The following TTC39C variants were observed in gnomAD, a reference collection of about 807,000 sequenced individuals.
TTC39C encodes the protein tetratricopeptide repeat domain 39C, also known as tetratricopeptide repeat protein 39C.
A neutral mutation model predicts 76.3 loss-of-function variants in TTC39C; 33 were observed. The observed-to-expected ratio is 0.43, with a 90% CI of 0.33 to 0.58. The LOEUF is 0.58. TTC39C is among the 20% of genes least tolerant of loss of function. The pLI is 0.04. For missense variants in TTC39C, 595 were observed against 701.4 expected, an observed-to-expected ratio of 0.85 and a Z score of 1.71; for synonymous variants, 254 against 260.6, an observed-to-expected ratio of 0.97 and a Z score of 0.24.
intron 6 of TTC39C, among the ~76,000 whole-genome samples, chr18:24,085,960 G>A (rs1193355966): frequency 6.6e-6 from 1 of 152,190 alleles, no homozygotes; most frequent in East Asian, 1.9e-4. Flanking sequence ...GTGTAGGACG[G>A]TATCAGAAAT....
chr18:24,083,987 A>AT (rs1204344930), intron 6 of TTC39C, among the ~76,000 whole-genome samples: 3 of 152,032 alleles, frequency 2.0e-5, no homozygotes, highest in Admixed American at 1.3e-4. Context: ...CCTTTTGAAG[A>AT]TTTTTGCCTA....
intron 1 of TTC39C, among the ~76,000 whole-genome samples, chr18:24,023,965 T>C (rs2083552716): frequency 9.5e-5 from 1 of 10,530 alleles, no homozygotes; most frequent in African/African-American, 1.7e-4. Context: ...TATATATATA[T>C]ATATATATAT....
rs907184028 is a variant in TTC39C, at chr18:24,134,264, G to GT, written c.*1717dup. 2.0e-4 allele frequency: 17 copies of GT among 83,788 alleles called. No homozygotes were observed. The highest frequency in any genetic ancestry group is 6.5e-4 in the African/African-American group (15 of 23,148). 5.2% of individuals were successfully genotyped at this position (83,788 alleles called of 1,614,324 possible). A position where few individuals can be genotyped will look rare whatever the true frequency, so the allele number is the denominator to read the frequency against. ...CAAAAATATTGGACATCTGTTTTTTGTTTTTTTTTTTTTTTTTTTTTTTTT... is the reference window on the plus strand; with the variant it reads ...CAAAAATATTGGACATCTGTTTTTTGTTTTTTTTTTTTTTTTTTTTTTTTTT... On this transcript the variant is annotated 3_prime_UTR_variant, in exon 14 of 14. Coordinates refer to ENST00000317571, the MANE Select transcript of TTC39C (RefSeq NM_001135993.2).
chr18:24,062,721 A>G (rs1004945929), intron 1 of TTC39C, among the ~76,000 whole-genome samples: 1 of 152,208 alleles, frequency 6.6e-6, no homozygotes, highest in Admixed American at 6.5e-5. Context: ...AGAAAATGGC[A>G]ACAGAAGGTT....
At position 24,125,459 on chromosome 18, in the gene TTC39C, A is replaced by G; in HGVS notation, c.1329A>G (p.Lys443=). Residue 443 remains lysine, a synonymous_variant, in exon 10 of 14, where the codon AAA becomes AAG. Transcript: ENST00000317571. ...GATTTCGGAAGCAAACCCCAACCAA[A>G]GCGCTCTGTGTGTTGGCGTCTATTG... ...AERFRKQTPT[K]ALCVLASIEV... The G allele has an allele frequency of 6.2e-7, 1 of 1,614,154 alleles. No individual in the cohort carries two copies. The highest frequency in any genetic ancestry group is 1.1e-5 in the South Asian group (1 of 91,084).
intron 6 of TTC39C, among the ~76,000 whole-genome samples, chr18:24,107,309 ACG>A (rs1414476006): frequency 7.9e-5 from 11 of 138,544 alleles, no homozygotes; most frequent in Admixed American, 2.9e-4. Flanking sequence ...ACACACACAC[ACG>A]CACGCATGTG....
intron 8 of TTC39C, among the ~76,000 whole-genome samples, chr18:24,123,146 C>T (rs548733734): frequency 2.6e-5 from 4 of 152,296 alleles, no homozygotes; most frequent in South Asian, 4.1e-4. Context: ...TCATGATCCT[C>T]GGGGCTCTTC....
intron 1 of TTC39C, among the ~76,000 whole-genome samples, chr18:24,024,329 G>GT (rs1251734535): frequency 1.3e-5 from 2 of 151,912 alleles, no homozygotes; most frequent in Admixed American, 6.6e-5. Flanking sequence ...TTTTTAAAGT[G>GT]TAAATGCTCA....
chr18:24,113,826 T>C (rs1240367327), intron 6 of TTC39C: 10 of 635,292 alleles, frequency 1.6e-5, no homozygotes, highest in Non-Finnish European at 2.9e-5. Context: ...TCACTGGGAG[T>C]AAGTAGAGCG....
At chr18:24,116,101 C>CTTA (rs1290261256) in intron 7 of TTC39C, among the ~76,000 whole-genome samples, 1 of 152,222 alleles carries the variant, frequency 6.6e-6, no homozygotes, top group Non-Finnish European at 1.5e-5. Flanking sequence ...TTATTCCTGA[C>CTTA]TTATTCCTGA....
At chr18:24,014,692 G>C, upstream of TTC39C, 1 of 935,414 alleles carries the variant, frequency 1.1e-6, no homozygotes, top group African/African-American at 1.8e-5. Flanking sequence ...GCCGCAGCCG[G>C]GCCGCGGCTC....
chr18:24,111,388 G>A (rs1162728352), intron 6 of TTC39C, among the ~76,000 whole-genome samples: 1 of 151,916 alleles, frequency 6.6e-6, no homozygotes, highest in Non-Finnish European at 1.5e-5. Context: ...GGTCAATATG[G>A]TGAAACCTCA....
intron 6 of TTC39C, among the ~76,000 whole-genome samples, chr18:24,111,134 A>G (rs544509780): frequency 2.2e-4 from 33 of 151,990 alleles, no homozygotes; most frequent in Admixed American, 1.8e-3. Context: ...GGGACTACAG[A>G]CATGTGCCAC....
chr18:24,033,177 T>TG lies in TTC39C; in HGVS notation c.167+18145dup, dbSNP rs1396528585. Reference sequence around the variant, plus strand: ...CTGAGACATGAGAATCACTTGAAACTGGGGGGCGGCGGTTGCAGTGAGCTG... The same window carrying TG: ...CTGAGACATGAGAATCACTTGAAACTGGGGGGGCGGCGGTTGCAGTGAGCTG... On this transcript the variant is annotated intron_variant, in intron 1 of 13. Transcript: ENST00000317571. 3.9e-5 allele frequency among the ~76,000 whole-genome samples: 6 copies of TG among 152,224 alleles called. No homozygotes were observed. The South Asian group carries it at 6.2e-4, about 16-fold the overall frequency.
chr18:24,090,358 A>C (rs906217574), intron 6 of TTC39C, among the ~76,000 whole-genome samples: 2 of 152,210 alleles, frequency 1.3e-5, no homozygotes, highest in Non-Finnish European at 2.9e-5. Flanking sequence ...ATAATTATTC[A>C]TTATTTTATG....
chr18:24,071,384 A>T (rs1401358054), intron 4 of TTC39C, among the ~76,000 whole-genome samples: 1 of 152,230 alleles, frequency 6.6e-6, no homozygotes. Context: ...ATCAGATAAT[A>T]GTATTTATAG....
chr18:24,118,189 T>G lies in TTC39C; in HGVS notation c.1143T>G (p.Asn381Lys). The G allele has an allele frequency of 1.2e-6, 2 of 1,614,004 alleles. No homozygotes were observed. Among genetic ancestry groups the G allele is most frequent in the Admixed American group, 3.3e-5 (2 of 60,002 alleles). Reference protein sequence around the residue: ...DAFDSFERLKNESRWSQCYYA... With the variant: ...DAFDSFERLKKESRWSQCYYA... ...TTGATTCCTTTGAGAGGCTAAAAAA[T>G]GAGTCCAGGTGGTCCCAGTGCTATT... Residue 381 changes from asparagine (N) to lysine (K), a missense_variant, in exon 8 of 14, where the codon AAT becomes AAG. By Grantham distance (94) the Asn-to-Lys change is moderately conservative. Coordinates refer to ENST00000317571, the MANE Select transcript of TTC39C (RefSeq NM_001135993.2).
chr18:24,029,563 A>T (rs1344715024), intron 1 of TTC39C, among the ~76,000 whole-genome samples: 1 of 152,202 alleles, frequency 6.6e-6, no homozygotes. Context: ...TTACATGGAT[A>T]AGTTATTTAG....
intron 1 of TTC39C, among the ~76,000 whole-genome samples, chr18:24,034,871 C>T (rs1332812979): frequency 6.6e-6 from 1 of 152,176 alleles, no homozygotes; most frequent in African/African-American, 2.4e-5. Context: ...TTTATCCATT[C>T]ATCCATTAAT....
Sources: allele counts gnomAD v4.1 joint callset (sites outside exome capture counted in the v4.1 genomes callset), GRCh38; gene constraint gnomAD v4.1.1; transcripts MANE v1.5; gene names NCBI Gene and HGNC (gene_info 2026-07-23, HGNC 2026-07-21).